RARB: variants seen among roughly 807,000 people sequenced by gnomAD.
RARB encodes the protein HBV-activated protein.
A neutral mutation model predicts 51.9 loss-of-function variants in RARB; 17 were observed. The ratio of observed to expected loss-of-function variants is 0.33; its 90% CI spans 0.22 to 0.49. The LOEUF is 0.49. RARB is among the 20% of genes least tolerant of loss of function. The pLI is 0.99. For synonymous variants in RARB, 215 were observed against 195.4 expected (o/e 1.10, Z -0.84); for missense variants, 369 against 550.8 (o/e 0.67, Z 3.30).
At chr3:24,872,274 A>T (rs1213931068) in intron 2 of RARB, among the ~76,000 whole-genome samples, 1 of 152,126 alleles carries the variant, frequency 6.6e-6, no homozygotes, top group East Asian at 1.9e-4. Flanking sequence ...TTGAGCACAG[A>T]AGGCAGGCTT....
At chr3:25,123,101 G>T (rs1699810027) in intron 3 of RARB, among the ~76,000 whole-genome samples, 1 of 152,154 alleles carries the variant, frequency 6.6e-6, no homozygotes, top group South Asian at 2.1e-4. Flanking sequence ...GGCACTTGGG[G>T]TGTCGGCAGG....
intron 2 of RARB, among the ~76,000 whole-genome samples, chr3:25,493,530 C>A (rs1272552475): frequency 1.3e-5 from 2 of 152,250 alleles, no homozygotes; most frequent in Non-Finnish European, 2.9e-5. Context: ...TGCTGCATGG[C>A]TGAATGACTA....
At chr3:25,231,473 T>C (rs543626495) in intron 5 of RARB, among the ~76,000 whole-genome samples, 2 of 152,254 alleles carry the variant, frequency 1.3e-5, no homozygotes, top group South Asian at 2.1e-4. Flanking sequence ...CAAGCAATAC[T>C]CTTTGTTAAG....
At position 25,359,811 on chromosome 3, in the gene RARB, C is replaced by G. The variant is rs559772033; in HGVS notation, c.179-101382C>G. ...TGAGTGAGTTTCTTAATCCTGAGTT[C>G]TAATGTGATTGTACTGTGGTCTGAG... On this transcript the variant is annotated intron_variant, in intron 5 of 11. Coordinates refer to the RARB transcript ENST00000383772. 5.9e-5 allele frequency among the ~76,000 whole-genome samples: 9 copies of G among 152,278 alleles called. No homozygotes were observed. In the South Asian group the frequency reaches 1.7e-3, roughly 28 times the overall value.
intron 5 of RARB, among the ~76,000 whole-genome samples, chr3:25,343,068 G>GTA (rs1280207079): frequency 1.4e-5 from 2 of 147,272 alleles, no homozygotes; most frequent in Admixed American, 6.9e-5. Flanking sequence ...GTGTGTGTGT[G>GTA]TGTGTAATGC....
chr3:25,313,341 A>G (rs1477017926), intron 5 of RARB, among the ~76,000 whole-genome samples: 2 of 152,226 alleles, frequency 1.3e-5, no homozygotes, highest in African/African-American at 4.8e-5. Context: ...TCAAGTTTCT[A>G]GGGACGGCCC....
At chr3:25,387,898 G>A (rs1297879966) in intron 5 of RARB, among the ~76,000 whole-genome samples, 1 of 151,926 alleles carries the variant, frequency 6.6e-6, no homozygotes, top group African/African-American at 2.4e-5. Context: ...AGCATTAAAT[G>A]TTTAACCTGG....
At chr3:25,051,079 A>T (rs1698323781) in intron 2 of RARB, among the ~76,000 whole-genome samples, 1 of 152,178 alleles carries the variant, frequency 6.6e-6, no homozygotes, top group South Asian at 2.1e-4. Flanking sequence ...TATCTTTGAT[A>T]TGCCATGTTT....
At chr3:25,051,879 A>T (rs1274285236) in intron 2 of RARB, among the ~76,000 whole-genome samples, 1 of 152,220 alleles carries the variant, frequency 6.6e-6, no homozygotes, top group Non-Finnish European at 1.5e-5. Flanking sequence ...AAAAATGGTG[A>T]GAAATGGATT....
chr3:24,945,360 T>G (rs1449263782), intron 2 of RARB, among the ~76,000 whole-genome samples: 2 of 152,238 alleles, frequency 1.3e-5, no homozygotes, highest in East Asian at 3.8e-4. Flanking sequence ...CCTCAGGGAC[T>G]GAAATGAAGC....
chr3:24,989,933 G>T (rs1235407026), intron 2 of RARB, among the ~76,000 whole-genome samples: 1 of 96,268 alleles, frequency 1.0e-5, no homozygotes, highest in East Asian at 3.3e-4. Context: ...CCGAGTAGCT[G>T]GGACTACAGG....
chr3:25,000,076 C>G (rs780522365), intron 2 of RARB, among the ~76,000 whole-genome samples: 1 of 152,074 alleles, frequency 6.6e-6, no homozygotes, highest in Non-Finnish European at 1.5e-5. Flanking sequence ...CGGCTTCAAT[C>G]ATTAGAATGA....
chr3:25,221,489 A>G (rs1701947138), intron 5 of RARB, among the ~76,000 whole-genome samples: 1 of 152,208 alleles, frequency 6.6e-6, no homozygotes, highest in Non-Finnish European at 1.5e-5. Flanking sequence ...AGTTTAATAA[A>G]TAATCCTCCT....
chr3:24,871,107 T>G (rs116581474), intron 2 of RARB, among the ~76,000 whole-genome samples: 3,541 of 152,222 alleles, frequency 0.023, 80 homozygotes, highest in Middle Eastern at 0.058. Flanking sequence ...TTAGTACACT[T>G]TTTAATAGAA....
intron 5 of RARB, among the ~76,000 whole-genome samples, chr3:25,198,783 G>T (rs1217571801): frequency 6.6e-6 from 1 of 152,012 alleles, no homozygotes; most frequent in African/African-American, 2.4e-5. Flanking sequence ...CAAAAGTCAG[G>T]CAATAACAAA....
At chr3:25,165,031 A>C (rs74467766) in intron 4 of RARB, among the ~76,000 whole-genome samples, 2,892 of 152,284 alleles carry the variant, frequency 0.019, 75 homozygotes, top group African/African-American at 0.066. Context: ...GGGGCAGTTA[A>C]GTACTGAGTT....
intron 1 of RARB, among the ~76,000 whole-genome samples, chr3:25,438,998 A>G (rs922910030): frequency 5.3e-5 from 8 of 152,162 alleles, no homozygotes; most frequent in African/African-American, 1.9e-4. Context: ...TGGCCTAGTC[A>G]CTGCTGTAGC....
intron 4 of RARB, among the ~76,000 whole-genome samples, chr3:25,167,647 G>GT (rs1438953422): frequency 6.6e-6 from 1 of 152,158 alleles, no homozygotes; most frequent in Non-Finnish European, 1.5e-5. Flanking sequence ...CTTGATTATT[G>GT]TAACCCATCC....
Position 25,082,016 on chromosome 3 carries a change from A to G in RARB, c.-328+21840A>G, listed in dbSNP as rs548852995. On this transcript the variant is annotated intron_variant, in intron 3 of 11. Coordinates refer to the RARB transcript ENST00000383772. The stretch of plus-strand genomic sequence containing the variant: ...CTTCCTGATGAATTTACTTTTTATG[A>G]TTGCTATCTCTGCTACTACTCTGTC... Among the ~76,000 whole-genome samples, 4 of 152,112 alleles carry G rather than the reference A, an allele frequency of 2.6e-5. No individual in the cohort carries two copies. In the East Asian group the frequency reaches 7.8e-4, roughly 30 times the overall value.
Sources: allele counts gnomAD v4.1 joint callset (sites outside exome capture counted in the v4.1 genomes callset), GRCh38; gene constraint gnomAD v4.1.1; transcripts MANE v1.5; gene names NCBI Gene and HGNC (gene_info 2026-07-23, HGNC 2026-07-21).